RTTN: variants seen among roughly 807,000 people sequenced by gnomAD.
RTTN encodes the protein rotatin.
Under a neutral mutation model 269.2 loss-of-function variants are expected in RTTN, and 182 were observed. That is an observed-to-expected ratio of 0.68 (90% CI 0.60 to 0.76). The LOEUF (loss-of-function observed/expected upper bound fraction) is 0.76. RTTN is among the 30% of genes least tolerant of loss of function. RTTN has a pLI of 0.00. For missense variants in RTTN, 2,545 were observed against 2,608.6 expected (o/e 0.98, Z 0.53); for synonymous variants, 1,006 against 963.5 (o/e 1.04, Z -0.82).
At chr18:70,021,143 A>G in intron 44 of RTTN, 2 of 202,192 alleles carry the variant, frequency 9.9e-6, no homozygotes, top group Admixed American at 1.2e-4. Context: ...AATTTTAGAA[A>G]TGGGAGATAA....
At chr18:70,061,498 G>T in intron 35 of RTTN, 1 of 447,260 alleles carries the variant, frequency 2.2e-6, no homozygotes, top group African/African-American at 2.0e-5. Context: ...AAACGTGTGT[G>T]TATATACGTA....
chr18:70,200,935 T>C (rs2146176309), intron 4 of RTTN, among the ~76,000 whole-genome samples: 1 of 152,346 alleles, frequency 6.6e-6, no homozygotes, highest in Middle Eastern at 3.4e-3. Context: ...TTTGGTATTG[T>C]TCCAGACACT....
chr18:70,074,021 T>C (rs751805807), intron 33 of RTTN, 27 bp from the exon 34 acceptor site: 2 of 1,435,136 alleles, frequency 1.4e-6, no homozygotes, highest in South Asian at 1.1e-5. Flanking sequence ...ATTGTTAACA[T>C]GGACACCCTC....
chr18:70,114,298 C>G, intron 27 of RTTN, 147 bp downstream of exon 27: 1 of 829,972 alleles, frequency 1.2e-6, no homozygotes. Flanking sequence ...GAAACAAAAA[C>G]AAACAGAACA....
intron 17 of RTTN, 81 bp downstream of exon 17, chr18:70,148,820 T>C: frequency 6.5e-7 from 1 of 1,541,418 alleles, no homozygotes; most frequent in Non-Finnish European, 8.8e-7. Flanking sequence ...TTTAGTTTTG[T>C]TTCAAATTAT....
At chr18:70,074,878 T>C (rs1305410498) in intron 33 of RTTN, 1 of 151,912 alleles carries the variant, frequency 6.6e-6, no homozygotes, top group African/African-American at 2.4e-5. Flanking sequence ...AAATAACTTT[T>C]TGATACATGA....
At chr18:70,056,254 A>C (rs1332175154) in intron 37 of RTTN, among the ~76,000 whole-genome samples, 1 of 152,240 alleles carries the variant, frequency 6.6e-6, no homozygotes, top group Admixed American at 6.5e-5. Context: ...CCAAGAGCCC[A>C]GAAGCATTTA....
Position 70,128,476 on chromosome 18 carries a change from C to T in RTTN, c.3025G>A (p.Ala1009Thr). ...ACCGGCTTCAAGGCCAAACAATCAG[C>T]AGATAAGGGCAAAACTATGGAGTAA... ...SPYSIVLPLS[A>T]DCLALKPVSD... Residue 1009 changes from alanine (A) to threonine (T), a missense_variant, in exon 24 of 49, where the codon GCT becomes ACT. Coordinates refer to ENST00000640769, the MANE Select transcript of RTTN (RefSeq NM_173630.4). 6.2e-7 allele frequency: 1 copy of T among 1,613,194 alleles called. No homozygotes were observed.
Position 70,204,145 on chromosome 18 carries a change from A to G in RTTN, c.338T>C (p.Phe113Ser). ...AEIDGILDGL[F>S]LLPSEVPALS... ...TGCAGGAACTTCCGAAGGAAGAAGAAAAAGTCCATCCAGAATGCCATCAAT... is the reference window on the plus strand; with the variant it reads ...TGCAGGAACTTCCGAAGGAAGAAGAGAAAGTCCATCCAGAATGCCATCAAT... Residue 113 changes from phenylalanine to serine, a missense_variant, in exon 3 of 49, where the codon TTT becomes TCT. Coordinates refer to ENST00000640769, the MANE Select transcript of RTTN (RefSeq NM_173630.4). 6.2e-7 allele frequency: 1 copy of G among 1,614,140 alleles called. No individual in the cohort carries two copies. The highest frequency in any genetic ancestry group is 1.1e-5 in the South Asian group (1 of 91,076).
At chr18:70,057,066 T>A (rs957509069) in intron 37 of RTTN, among the ~76,000 whole-genome samples, 1 of 152,212 alleles carries the variant, frequency 6.6e-6, no homozygotes, top group African/African-American at 2.4e-5. Flanking sequence ...GCGTGTAGCA[T>A]TCCCAAACTT....
At chr18:70,102,615 T>C (rs1008221209) in intron 28 of RTTN, among the ~76,000 whole-genome samples, 2 of 152,230 alleles carry the variant, frequency 1.3e-5, no homozygotes, top group African/African-American at 4.8e-5. Flanking sequence ...CCTGTCATCA[T>C]GATGTTAGCT....
intron 39 of RTTN, among the ~76,000 whole-genome samples, chr18:70,050,778 C>T (rs1238461978): frequency 6.6e-6 from 1 of 152,082 alleles, no homozygotes; most frequent in African/African-American, 2.4e-5. Context: ...TTCAGGTACA[C>T]GGATGAAGCT....
At chr18:70,169,657 C>T (rs1008287255) in intron 11 of RTTN, among the ~76,000 whole-genome samples, 8 of 152,034 alleles carry the variant, frequency 5.3e-5, no homozygotes, top group African/African-American at 1.9e-4. Context: ...AAGATAGCCC[C>T]TTAATTAGTA....
chr18:70,042,520 T>C (rs551353670), intron 40 of RTTN, among the ~76,000 whole-genome samples: 113 of 151,982 alleles, frequency 7.4e-4, no homozygotes, highest in Non-Finnish European at 1.3e-3. Context: ...GGACTACAGG[T>C]GCCCGCCGCC....
At chr18:70,183,383 A>T (rs1006336540) in intron 10 of RTTN, among the ~76,000 whole-genome samples, 2 of 152,198 alleles carry the variant, frequency 1.3e-5, no homozygotes, top group African/African-American at 4.8e-5. Context: ...GATACTCTGT[A>T]AATACAGGCC....
intron 35 of RTTN, among the ~76,000 whole-genome samples, chr18:70,062,473 C>T (rs1299619027): frequency 3.9e-5 from 6 of 152,254 alleles, no homozygotes; most frequent in Admixed American, 3.3e-4. Flanking sequence ...TTTTAAATTT[C>T]CCCTTCTTTC....
chr18:70,161,096 T>A (rs2060816597), intron 14 of RTTN, among the ~76,000 whole-genome samples: 2 of 152,162 alleles, frequency 1.3e-5, no homozygotes, highest in Non-Finnish European at 2.9e-5. Context: ...GACTTCAAAC[T>A]ATACTATGGG....
intron 23 of RTTN, chr18:70,131,707 T>C (rs1186262443): frequency 6.6e-6 from 1 of 151,532 alleles, no homozygotes; most frequent in Non-Finnish European, 1.5e-5. Flanking sequence ...AAATACTTAA[T>C]GTATATGTAA....
At chr18:70,004,362 G>A (rs2056115053) in intron 48 of RTTN, 126 bp from the exon 49 acceptor site, 2 of 518,792 alleles carry the variant, frequency 3.9e-6, no homozygotes, top group Middle Eastern at 4.4e-4. Context: ...CTAAGTTCTT[G>A]ATGTAATAGC....
Sources: allele counts gnomAD v4.1 joint callset (sites outside exome capture counted in the v4.1 genomes callset), GRCh38; gene constraint gnomAD v4.1.1; transcripts MANE v1.5; gene names NCBI Gene and HGNC (gene_info 2026-07-23, HGNC 2026-07-21).